Variants in LAMA2 observed in about 807,000 individuals in gnomAD.
The protein encoded by LAMA2 is laminin subunit alpha 2.
A neutral mutation model predicts 364.8 loss-of-function variants in LAMA2; 269 were observed. The observed-to-expected ratio is 0.74, with a 90% CI of 0.67 to 0.82. LAMA2 has a LOEUF of 0.82. LAMA2 is among the 40% of genes least tolerant of loss of function. LAMA2 has a pLI of 0.00. For missense variants in LAMA2, 3,807 were observed against 3,873.2 expected, an observed-to-expected ratio of 0.98 and a Z score of 0.45; for synonymous variants, 1,379 against 1,370.6, an observed-to-expected ratio of 1.01 and a Z score of -0.14.
intron 3 of LAMA2, among the ~76,000 whole-genome samples, chr6:129,062,229 C>T (rs926435726): frequency 4.6e-5 from 7 of 152,214 alleles, no homozygotes; most frequent in African/African-American, 1.7e-4. Context: ...TCACAATAAT[C>T]CTGAATAAAC....
At chr6:128,900,988 A>C (rs1389470289) in intron 1 of LAMA2, among the ~76,000 whole-genome samples, 1 of 152,152 alleles carries the variant, frequency 6.6e-6, no homozygotes, top group Non-Finnish European at 1.5e-5. Flanking sequence ...CCCTGCCTCT[A>C]CAAAAATAAA....
chr6:129,200,993 T>C (rs1782249854), intron 12 of LAMA2, among the ~76,000 whole-genome samples: 1 of 152,128 alleles, frequency 6.6e-6, no homozygotes, highest in African/African-American at 2.4e-5. Flanking sequence ...GACAACACAT[T>C]GAGATTTCTG....
At chr6:129,283,616 T>G (rs883736) in intron 18 of LAMA2, among the ~76,000 whole-genome samples, 1 of 151,036 alleles carries the variant, frequency 6.6e-6, no homozygotes, top group African/African-American at 2.4e-5. Context: ...GGTGTTTGAA[T>G]CTAATTGCTT....
intron 29 of LAMA2, among the ~76,000 whole-genome samples, chr6:129,330,592 G>GTTTTTTTTTTTTTTTTTTT (rs1406358715): frequency 1.3e-5 from 1 of 78,532 alleles, no homozygotes; most frequent in African/African-American, 5.1e-5. Context: ...TTGTTGTTTG[G>GTTTTTTTTTTTTTTTTTTT]TTTTTGTTTT....
At position 129,312,941 on chromosome 6, in the gene LAMA2, C is replaced by T. The variant is rs200075509; in HGVS notation, c.3255C>T (p.Phe1085=). The stretch of plus-strand genomic sequence containing the variant: ...GCCAATGCAACTGTCATCCAAAATT[C>T]TCTGGTGCAAAATGTACAGAGTGCA... ...NTGQCNCHPK[F]SGAKCTECSR... Residue 1085 remains phenylalanine (F), a synonymous_variant, in exon 23 of 65, where the codon TTC becomes TTT. Transcript: ENST00000421865. 1 of 1,614,176 alleles carries T rather than the reference C, an allele frequency of 6.2e-7. No individual in the cohort carries two copies. Among genetic ancestry groups the T allele is most frequent in the East Asian group, 2.2e-5 (1 of 44,884 alleles).
At chr6:129,229,153 A>G (rs1414089176) in intron 12 of LAMA2, among the ~76,000 whole-genome samples, 3 of 152,242 alleles carry the variant, frequency 2.0e-5, no homozygotes, top group African/African-American at 7.2e-5. Context: ...AAGAGAGAAT[A>G]TTAATTAGAT....
At chr6:129,194,500 A>G (rs1028195041) in intron 12 of LAMA2, among the ~76,000 whole-genome samples, 1 of 152,172 alleles carries the variant, frequency 6.6e-6, no homozygotes, top group Non-Finnish European at 1.5e-5. Context: ...AACTTCCCTT[A>G]TCCTGGCTGA....
At chr6:129,091,190 T>G (rs893052645) in intron 3 of LAMA2, among the ~76,000 whole-genome samples, 11 of 152,214 alleles carry the variant, frequency 7.2e-5, no homozygotes, top group African/African-American at 2.4e-4. Flanking sequence ...GACTTTGAGA[T>G]TTGCTTTTTT....
intron 58 of LAMA2, among the ~76,000 whole-genome samples, chr6:129,496,069 A>G (rs771181327): frequency 6.6e-6 from 1 of 152,214 alleles, no homozygotes; most frequent in Admixed American, 6.5e-5. Context: ...TCAAACTTAC[A>G]GCATGGCCCA....
At chr6:129,145,308 A>G (rs947783397) in intron 5 of LAMA2, among the ~76,000 whole-genome samples, 1 of 152,004 alleles carries the variant, frequency 6.6e-6, no homozygotes, top group Non-Finnish European at 1.5e-5. Flanking sequence ...TTAAGGCTTT[A>G]GTTAGTCCCA....
intron 37 of LAMA2, among the ~76,000 whole-genome samples, chr6:129,397,434 T>A (rs2114683712): frequency 6.6e-6 from 1 of 152,272 alleles, no homozygotes; most frequent in Non-Finnish European, 1.5e-5. Flanking sequence ...ACACAAGCCA[T>A]GAGGAACATG....
chr6:129,227,547 G>T (rs1784384234), intron 12 of LAMA2, among the ~76,000 whole-genome samples: 1 of 152,158 alleles, frequency 6.6e-6, no homozygotes, highest in Admixed American at 6.5e-5. Flanking sequence ...CCTTCTTACA[G>T]TCAGGACCCT....
intron 40 of LAMA2, among the ~76,000 whole-genome samples, chr6:129,423,906 A>G (rs977030244): frequency 6.6e-6 from 1 of 152,034 alleles, no homozygotes; most frequent in African/African-American, 2.4e-5. Flanking sequence ...AAATTTACAG[A>G]TATGTTTTAC....
chr6:129,081,193 T>C (rs912001204), intron 3 of LAMA2, among the ~76,000 whole-genome samples: 7 of 147,520 alleles, frequency 4.7e-5, no homozygotes, highest in Non-Finnish European at 1.0e-4. Flanking sequence ...AAACGAACAA[T>C]GAGAACACTT....
At chr6:129,406,585 T>C (rs956805998) in intron 40 of LAMA2, among the ~76,000 whole-genome samples, 7 of 152,184 alleles carry the variant, frequency 4.6e-5, no homozygotes, top group African/African-American at 1.7e-4. Context: ...TGGACATCAG[T>C]AATTTTTTCT....
chr6:129,128,693 C>T (rs945611390), intron 4 of LAMA2, among the ~76,000 whole-genome samples: 5 of 152,156 alleles, frequency 3.3e-5, no homozygotes, highest in African/African-American at 1.2e-4. Context: ...TTACAGTTTG[C>T]AGTGTATGCA....
chr6:128,911,410 C>T (rs533424875), intron 1 of LAMA2, among the ~76,000 whole-genome samples: 24 of 152,190 alleles, frequency 1.6e-4, no homozygotes, highest in African/African-American at 4.3e-4. Flanking sequence ...CCAGGTGCCG[C>T]CCATCACCCC....
At chr6:129,022,770 A>T (rs765203811) in intron 1 of LAMA2, among the ~76,000 whole-genome samples, 6 of 152,194 alleles carry the variant, frequency 3.9e-5, no homozygotes, top group Non-Finnish European at 7.4e-5. Flanking sequence ...TTTAAAGAGG[A>T]CTTCTTTGCA....
chr6:129,332,227 T>C (rs1775698663), intron 29 of LAMA2, among the ~76,000 whole-genome samples: 1 of 152,226 alleles, frequency 6.6e-6, no homozygotes, highest in African/African-American at 2.4e-5. Flanking sequence ...AGATATGTAT[T>C]ACCACTGTAA....
Sources: gnomAD v4.1 joint callset for allele counts (sites outside exome capture counted in the v4.1 genomes callset) on GRCh38, gnomAD v4.1.1 for gene constraint, MANE v1.5 for transcripts, NCBI Gene and HGNC (gene_info 2026-07-23, HGNC 2026-07-21) for gene names.